SDK1: variants seen among roughly 807,000 people sequenced by gnomAD.
SDK1 encodes the protein sidekick cell adhesion molecule 1.
SDK1 carries 157 observed loss-of-function variants against 245.5 expected under a neutral mutation model. The ratio of observed to expected loss-of-function variants is 0.64; its 90% confidence interval spans 0.56 to 0.73. The LOEUF (loss-of-function observed/expected upper bound fraction) is 0.73. Ranked by LOEUF, SDK1 falls within the 30% of genes least tolerant of loss-of-function variation. SDK1 has a pLI of 0.00. For missense variants in SDK1, 3,583 were observed against 3,002.3 expected (o/e 1.19, Z -4.52); for synonymous variants, 1,647 against 1,278.5 (o/e 1.29, Z -6.15).
At chr7:4,003,063 G>C (rs6970334) in intron 14 of SDK1, among the ~76,000 whole-genome samples, 45,325 of 152,190 alleles carry the variant, frequency 0.3, 7,259 homozygotes, top group African/African-American at 0.41. Context: ...GTCTGGGACA[G>C]CTCATTCTCC....
chr7:3,732,104 A>T (rs373647314), intron 4 of SDK1, among the ~76,000 whole-genome samples: 22 of 152,294 alleles, frequency 1.4e-4, no homozygotes, highest in African/African-American at 5.3e-4. Context: ...TTTTATTTTT[A>T]AGATGGAAGG....
intron 5 of SDK1, among the ~76,000 whole-genome samples, chr7:3,842,769 C>A (rs375600264): frequency 6.6e-6 from 1 of 152,100 alleles, no homozygotes; most frequent in African/African-American, 2.4e-5. Flanking sequence ...TTCTTCTTCA[C>A]GGGAATTCCG....
intron 32 of SDK1, among the ~76,000 whole-genome samples, chr7:4,170,092 A>G (rs887497974): frequency 6.6e-6 from 1 of 152,206 alleles, no homozygotes; most frequent in Non-Finnish European, 1.5e-5. Context: ...AAGGTTAAGT[A>G]AACCTTCTAT....
intron 5 of SDK1, among the ~76,000 whole-genome samples, chr7:3,925,389 C>T (rs914021353): frequency 6.6e-6 from 1 of 152,230 alleles, no homozygotes; most frequent in Non-Finnish European, 1.5e-5. Flanking sequence ...ATTTAGGAAT[C>T]GCAGTCAGTG....
At chr7:3,597,047 G>A (rs1441672621) in intron 1 of SDK1, among the ~76,000 whole-genome samples, 1 of 151,980 alleles carries the variant, frequency 6.6e-6, no homozygotes, top group African/African-American at 2.4e-5. Context: ...GAGGCAGGCG[G>A]ATCATGAGGT....
Position 4,237,749 on chromosome 7 carries a change from A to T in SDK1, c.6095A>T (p.His2032Leu). Reference protein sequence around the residue: ...ILLVVFALVLHGQNKKYKNCS... With the variant: ...ILLVVFALVLLGQNKKYKNCS... Reference sequence around the variant, plus strand: ...CTGGTGGTGTTCGCCCTCGTCCTGCACGGGCAGAATAAGAAGTATAAGAAC... The same window carrying T: ...CTGGTGGTGTTCGCCCTCGTCCTGCTCGGGCAGAATAAGAAGTATAAGAAC... Residue 2032 changes from histidine (H) to leucine (L), a missense_variant, in exon 42 of 45, where the codon CAC becomes CTC. Coordinates refer to ENST00000404826, the MANE Select transcript of SDK1 (RefSeq NM_152744.4). 3 of 1,614,152 alleles carry T rather than the reference A, an allele frequency of 1.9e-6. No individual in the cohort carries two copies. The highest frequency in any genetic ancestry group is 2.5e-6 in the Non-Finnish European group (3 of 1,180,042).
chr7:4,261,737 C>G (rs529613762), intron 44 of SDK1, among the ~76,000 whole-genome samples: 1 of 152,302 alleles, frequency 6.6e-6, no homozygotes, highest in African/African-American at 2.4e-5. Flanking sequence ...ACCCCCTCCC[C>G]AGTTCCCTTG....
chr7:3,698,933 C>G (rs1386014216), intron 4 of SDK1, among the ~76,000 whole-genome samples: 2 of 152,152 alleles, frequency 1.3e-5, no homozygotes, highest in African/African-American at 4.8e-5. Flanking sequence ...AAGGATCAGT[C>G]TATAATAACC....
intron 4 of SDK1, among the ~76,000 whole-genome samples, chr7:3,749,589 G>A (rs772618870): frequency 2.0e-5 from 3 of 152,114 alleles, no homozygotes; most frequent in Non-Finnish European, 2.9e-5. Context: ...GTGAGCCACC[G>A]CGCCCAGCCG....
chr7:3,557,563 A>T (rs1387903209), intron 1 of SDK1, among the ~76,000 whole-genome samples: 3 of 152,216 alleles, frequency 2.0e-5, no homozygotes, highest in Non-Finnish European at 4.4e-5. Context: ...TTAAGTACAC[A>T]CCTACAAGTA....
At chr7:3,961,057 T>G (rs1471928688) in intron 8 of SDK1, among the ~76,000 whole-genome samples, 1 of 152,248 alleles carries the variant, frequency 6.6e-6, no homozygotes, top group Non-Finnish European at 1.5e-5. Context: ...AAGCTCTGTT[T>G]TTTTGCACGA....
At chr7:3,583,649 C>G (rs1312847313) in intron 1 of SDK1, among the ~76,000 whole-genome samples, 1 of 152,070 alleles carries the variant, frequency 6.6e-6, no homozygotes, top group Non-Finnish European at 1.5e-5. Flanking sequence ...ATCTGTGCTT[C>G]TACACTTTGG....
intron 44 of SDK1, among the ~76,000 whole-genome samples, chr7:4,249,440 G>T (rs1439568549): frequency 6.6e-6 from 1 of 152,220 alleles, no homozygotes; most frequent in East Asian, 1.9e-4. Flanking sequence ...TCCTGCAAAT[G>T]CACCTCATGG....
intron 1 of SDK1, among the ~76,000 whole-genome samples, chr7:3,397,811 C>A (rs1030157630): frequency 6.6e-6 from 1 of 152,056 alleles, no homozygotes; most frequent in African/African-American, 2.4e-5. Flanking sequence ...TTACCCACCT[C>A]TTCTTGCATG....
chr7:3,519,615 A>G (rs1014168461), intron 1 of SDK1, among the ~76,000 whole-genome samples: 2 of 152,168 alleles, frequency 1.3e-5, no homozygotes, highest in Non-Finnish European at 2.9e-5. Context: ...AGTTTTATAA[A>G]GAAATTGAGG....
At chr7:3,493,808 C>G (rs1439467331) in intron 1 of SDK1, among the ~76,000 whole-genome samples, 4 of 152,274 alleles carry the variant, frequency 2.6e-5, no homozygotes, top group Admixed American at 6.5e-5. Flanking sequence ...CTATAGTAGA[C>G]CAGTCTGAAT....
At chr7:3,699,704 A>G (rs183339776) in intron 4 of SDK1, among the ~76,000 whole-genome samples, 10 of 152,340 alleles carry the variant, frequency 6.6e-5, no homozygotes, top group African/African-American at 2.4e-4. Flanking sequence ...GAAAGAGGGT[A>G]GAGTTGAAGA....
chr7:3,435,949 A>T lies in SDK1; in HGVS notation c.298+134065A>T, dbSNP rs530466063. Among the ~76,000 whole-genome samples the T allele has an allele frequency of 5.4e-4, 82 of 152,378 alleles. 2 individuals are homozygous for T. The South Asian group carries it at 0.017, about 31-fold the overall frequency. On this transcript the variant is annotated intron_variant, in intron 1 of 44. Transcript: ENST00000404826. The stretch of plus-strand genomic sequence containing the variant: ...TTCTATTGGATGTAGTTGAAAAAGC[A>T]GAACTGTTGCTCTGGCCTAAACATT...
At chr7:3,615,965 G>T (rs1781756070) in intron 1 of SDK1, among the ~76,000 whole-genome samples, 1 of 151,752 alleles carries the variant, frequency 6.6e-6, no homozygotes, top group South Asian at 2.1e-4. Context: ...GCTCACTGCA[G>T]CCTTGACTTC....
Sources: gnomAD v4.1 joint callset for allele counts (sites outside exome capture counted in the v4.1 genomes callset) on GRCh38, gnomAD v4.1.1 for gene constraint, MANE v1.5 for transcripts, NCBI Gene and HGNC (gene_info 2026-07-23, HGNC 2026-07-21) for gene names.